The following CHD6 variants were observed in gnomAD, a reference collection of about 807,000 sequenced individuals.
CHD6 encodes ATP-dependent chromatin remodeler CHD6.
Under a neutral mutation model 276.9 loss-of-function variants are expected in CHD6, and 50 were observed. The observed-to-expected ratio is 0.18, with a 90% CI of 0.14 to 0.23. The LOEUF is 0.23. Among genes scored for constraint, CHD6 ranks in the 10% least tolerant of loss-of-function variants. The pLI, the probability that CHD6 is intolerant of heterozygous loss-of-function variation, is 1.00. For synonymous variants in CHD6, 1,173 were observed against 1,229.3 expected, an observed-to-expected ratio of 0.95 and a Z score of 0.96; for missense variants, 2,564 against 3,365.8, an observed-to-expected ratio of 0.76 and a Z score of 5.89.
intron 1 of CHD6, among the ~76,000 whole-genome samples, chr20:41,563,659 A>G (rs2045325891): frequency 6.6e-6 from 1 of 152,372 alleles, no homozygotes; most frequent in African/African-American, 2.4e-5. Context: ...AATTACTATT[A>G]AGAAGAACAG....
At chr20:41,443,571 G>A (rs575835834) in intron 25 of CHD6, among the ~76,000 whole-genome samples, 2 of 152,118 alleles carry the variant, frequency 1.3e-5, no homozygotes, top group African/African-American at 4.8e-5. Flanking sequence ...TTGCCTTACC[G>A]GGTTGTTAGT....
chr20:41,493,835 C>G (rs1028060214), intron 9 of CHD6, 23 bp downstream of exon 9: 3 of 1,601,568 alleles, frequency 1.9e-6, no homozygotes, highest in Non-Finnish European at 2.6e-6. Context: ...AGGGAAGATG[C>G]TTCAGGAGAG....
intron 1 of CHD6, among the ~76,000 whole-genome samples, chr20:41,555,787 GGC>G (rs2045224226): frequency 6.6e-6 from 1 of 151,556 alleles, no homozygotes. Context: ...CAGGCAGAGG[GGC>G]TCCTCACGTC....
chr20:41,543,574 A>G (rs1468301310), intron 2 of CHD6, among the ~76,000 whole-genome samples: 1 of 152,202 alleles, frequency 6.6e-6, no homozygotes, highest in Non-Finnish European at 1.5e-5. Flanking sequence ...ATCAAGAATA[A>G]ACAATTTATT....
intron 35 of CHD6, 93 bp from the exon 36 acceptor site, chr20:41,412,356 T>C: frequency 7.0e-7 from 1 of 1,426,950 alleles, no homozygotes; most frequent in Non-Finnish European, 9.7e-7. Context: ...GCTATTGTTC[T>C]CGTCAATGGT....
At chr20:41,427,130 T>C (rs993924588) in intron 27 of CHD6, among the ~76,000 whole-genome samples, 6 of 151,780 alleles carry the variant, frequency 4.0e-5, no homozygotes, top group Admixed American at 6.6e-5. Flanking sequence ...AGAAGCCATA[T>C]ATGGCCTTCT....
At chr20:41,577,822 G>A (rs1297140622) in intron 1 of CHD6, among the ~76,000 whole-genome samples, 1 of 152,154 alleles carries the variant, frequency 6.6e-6, no homozygotes, top group East Asian at 1.9e-4. Flanking sequence ...AACTGTCTGG[G>A]TTCACATCTT....
intron 27 of CHD6, among the ~76,000 whole-genome samples, chr20:41,427,732 G>A (rs1457666569): frequency 6.6e-6 from 1 of 152,204 alleles, no homozygotes; most frequent in Non-Finnish European, 1.5e-5. Context: ...TTAATGAAGA[G>A]TGAAAACCCA....
chr20:41,529,328 C>A (rs1046326821), intron 3 of CHD6, among the ~76,000 whole-genome samples: 2 of 152,080 alleles, frequency 1.3e-5, no homozygotes, highest in African/African-American at 4.8e-5. Flanking sequence ...TCACACATAC[C>A]TGAAAACCAC....
chr20:41,478,588 G>T (rs900243828), intron 16 of CHD6, among the ~76,000 whole-genome samples: 2 of 152,148 alleles, frequency 1.3e-5, no homozygotes, highest in Admixed American at 6.5e-5. Context: ...GGGACCCCCA[G>T]AAAGCAGAGA....
chr20:41,589,965 T>C (rs2045638791), intron 1 of CHD6, among the ~76,000 whole-genome samples: 1 of 150,366 alleles, frequency 6.7e-6, no homozygotes, highest in African/African-American at 2.5e-5. Context: ...CTTCAAACTA[T>C]ACTACAAGGC....
chr20:41,430,854 ATTTTTTT>A (rs61590579), intron 27 of CHD6, among the ~76,000 whole-genome samples: 8 of 127,600 alleles, frequency 6.3e-5, no homozygotes, highest in Admixed American at 2.4e-4. Context: ...CAGAACATGA[ATTTTTTT>A]TTTTTTTTTT....
intron 27 of CHD6, among the ~76,000 whole-genome samples, chr20:41,431,019 G>C (rs1452364279): frequency 1.3e-5 from 2 of 151,980 alleles, no homozygotes; most frequent in Non-Finnish European, 2.9e-5. Flanking sequence ...ATTTTTAGTA[G>C]AGACAGGGTT....
At chr20:41,576,593 G>A (rs547610893) in intron 1 of CHD6, among the ~76,000 whole-genome samples, 25 of 152,278 alleles carry the variant, frequency 1.6e-4, no homozygotes, top group Non-Finnish European at 3.2e-4. Flanking sequence ...AGAATCACTT[G>A]AACCCAGGAG....
chr20:41,412,168 G>T lies in CHD6; in HGVS notation c.7227C>A (p.Ala2409=). 6.2e-7 allele frequency: 1 copy of T among 1,614,154 alleles called. No homozygotes were observed. Residue 2409 remains alanine, a synonymous_variant, in exon 36 of 37, where the codon GCC becomes GCA. Transcript: ENST00000373233. ...SSLSGEERVP[A]IPKEPGLRGF... is the part of the protein sequence containing the mutation. ...CCCTCAGTCCTGGCTCCTTGGGGAT[G>T]GCAGGAACTCTCTCTTCCCCGCTCA...
At chr20:41,469,717 G>A (rs1052936993) in intron 17 of CHD6, among the ~76,000 whole-genome samples, 1 of 152,140 alleles carries the variant, frequency 6.6e-6, no homozygotes, top group African/African-American at 2.4e-5. Context: ...ACATTGATGC[G>A]AATACAGACA....
chr20:41,424,310 G>A (rs1038064805), intron 29 of CHD6, among the ~76,000 whole-genome samples: 7 of 152,254 alleles, frequency 4.6e-5, no homozygotes, highest in South Asian at 2.1e-4. Context: ...TATCCTATAC[G>A]AGTAAGTCAA....
intron 1 of CHD6, among the ~76,000 whole-genome samples, chr20:41,604,243 GGA>G (rs911582249): frequency 6.6e-6 from 1 of 152,144 alleles, no homozygotes; most frequent in Admixed American, 6.5e-5. Context: ...TTGGATCACA[GGA>G]GAGGGTTGGG....
chr20:41,452,662 C>G lies in CHD6; in HGVS notation c.3323+78G>C. Reference sequence around the variant, plus strand: ...TTCCAAAGGTGACTGGAGAGACATCCTAGACAAATCTCAGGGACTGAAAAA... The same window carrying G: ...TTCCAAAGGTGACTGGAGAGACATCGTAGACAAATCTCAGGGACTGAAAAA... On this transcript the variant is annotated intron_variant, in intron 21 of 36. Transcript: ENST00000373233. The surrounding 1 kb of genome is among the most constrained non-coding windows in gnomAD (Gnocchi z 4.2). The G allele has an allele frequency of 7.6e-7, 1 of 1,316,556 alleles. No individual in the cohort carries two copies. Among genetic ancestry groups the G allele is most frequent in the Non-Finnish European group, 1.1e-6 (1 of 933,206 alleles). 81.6% of individuals were successfully genotyped at this position (1,316,556 alleles called of 1,614,324 possible).
Sources: gnomAD v4.1 joint callset for allele counts (sites outside exome capture counted in the v4.1 genomes callset) on GRCh38, gnomAD v4.1.1 for gene constraint, Gnocchi (gnomAD v3.1) non-coding constraint, MANE v1.5 for transcripts, NCBI Gene and HGNC (gene_info 2026-07-23, HGNC 2026-07-21) for gene names.